CPNE4: variants seen among roughly 807,000 people sequenced by gnomAD.
CPNE4 encodes copine-4.
In CPNE4, 25 loss-of-function variants were observed where a neutral mutation model predicts 67.9. The ratio of observed to expected loss-of-function variants is 0.37; its 90% CI spans 0.27 to 0.51. CPNE4 has a LOEUF of 0.51. Ranked by LOEUF, CPNE4 falls within the 20% of genes least tolerant of loss-of-function variation. The pLI is 0.93. For synonymous variants in CPNE4, 242 were observed against 244.9 expected, an observed-to-expected ratio of 0.99 and a Z score of 0.11; for missense variants, 464 against 690.8, an observed-to-expected ratio of 0.67 and a Z score of 3.68.
intron 1 of CPNE4, among the ~76,000 whole-genome samples, chr3:131,968,315 A>G (rs2072407425): frequency 1.3e-5 from 2 of 152,230 alleles, no homozygotes; most frequent in Admixed American, 1.3e-4. Context: ...CTTCATGACT[A>G]AAACACCAAA....
chr3:131,941,046 A>G (rs999851716), intron 1 of CPNE4, among the ~76,000 whole-genome samples: 4 of 152,116 alleles, frequency 2.6e-5, no homozygotes, highest in African/African-American at 9.7e-5. Flanking sequence ...ATGATCCTCC[A>G]AGACACTATT....
chr3:131,974,741 C>T (rs1352491075), intron 1 of CPNE4, among the ~76,000 whole-genome samples: 1 of 152,204 alleles, frequency 6.6e-6, no homozygotes, highest in African/African-American at 2.4e-5. Context: ...GGCCCAGTGG[C>T]TCACGTATGT....
rs1433736622 is a variant in CPNE4 at position 131,992,780 on chromosome 3, T to C, written c.-2+41787A>G. On this transcript the variant is annotated intron_variant, in intron 1 of 15. Coordinates refer to ENST00000429747, the MANE Select transcript of CPNE4 (RefSeq NM_130808.3). ...AGGGACCTGGTGGGAGGTAATTTAA[T>C]CATGGAGGCAGTTACTCCCATGCCA... Among the ~76,000 whole-genome samples, 2 of 136,132 alleles carry C rather than the reference T, an allele frequency of 1.5e-5. 1 individual carries two copies. Among genetic ancestry groups the C allele is most frequent in the Non-Finnish European group, 3.3e-5 (2 of 59,910 alleles). The allele number at this position is 136,132 out of a possible 152,430, so 89.3% of individuals were successfully genotyped here.
chr3:131,680,258 T>TC (rs1244630418), intron 6 of CPNE4, among the ~76,000 whole-genome samples: 7 of 151,910 alleles, frequency 4.6e-5, no homozygotes, highest in African/African-American at 1.7e-4. Flanking sequence ...CCCTGCTTTT[T>TC]TTTTTTTTTC....
intron 3 of CPNE4, among the ~76,000 whole-genome samples, chr3:131,713,894 A>T (rs9823614): frequency 7.3e-5 from 11 of 150,162 alleles, no homozygotes; most frequent in African/African-American, 2.2e-4. Flanking sequence ...AAAAGACAGC[A>T]GTAAAAAAAA....
chr3:131,841,765 C>A (rs2085792143), intron 2 of CPNE4, among the ~76,000 whole-genome samples: 3 of 152,204 alleles, frequency 2.0e-5, no homozygotes, highest in Admixed American at 2.0e-4. Context: ...CCTGTTGCAG[C>A]TGGGAGTGCA....
At chr3:131,547,838 C>A (rs1582769778) in intron 14 of CPNE4, among the ~76,000 whole-genome samples, 1 of 152,244 alleles carries the variant, frequency 6.6e-6, no homozygotes, top group South Asian at 2.1e-4. Flanking sequence ...ACAGATCAGA[C>A]CCATTTGTTT....
intron 2 of CPNE4, among the ~76,000 whole-genome samples, chr3:131,880,657 T>A (rs1446534502): frequency 5.3e-5 from 8 of 152,184 alleles, no homozygotes; most frequent in Admixed American, 5.2e-4. Flanking sequence ...GAGCAGAGAC[T>A]TGAATGTATT....
intron 2 of CPNE4, among the ~76,000 whole-genome samples, chr3:131,840,569 A>G (rs2085734856): frequency 6.6e-6 from 1 of 152,218 alleles, no homozygotes; most frequent in Non-Finnish European, 1.5e-5. Flanking sequence ...TTCAGATGAG[A>G]TGATGTGGCT....
intron 1 of CPNE4, among the ~76,000 whole-genome samples, chr3:131,994,849 A>G (rs908509492): frequency 1.1e-4 from 16 of 152,234 alleles, no homozygotes; most frequent in African/African-American, 3.9e-4. Context: ...AGAAGTAACC[A>G]AAAGCATATG....
intron 1 of CPNE4, among the ~76,000 whole-genome samples, chr3:131,947,186 A>G (rs2071576545): frequency 1.3e-5 from 2 of 152,160 alleles, no homozygotes; most frequent in Admixed American, 1.3e-4. Flanking sequence ...CTGCAATTCC[A>G]TATGAATTTG....
intron 2 of CPNE4, among the ~76,000 whole-genome samples, chr3:131,751,770 T>G (rs930207897): frequency 7.3e-6 from 1 of 136,830 alleles, no homozygotes; most frequent in Non-Finnish European, 1.7e-5. Flanking sequence ...AGCTGTTTTT[T>G]TTTTGTTTTT....
At chr3:131,620,011 C>A (rs1582903667) in intron 7 of CPNE4, among the ~76,000 whole-genome samples, 1 of 152,130 alleles carries the variant, frequency 6.6e-6, no homozygotes, top group African/African-American at 2.4e-5. Context: ...GCGTAAACCC[C>A]TGCCTAGCAA....
chr3:131,701,010 T>C (rs1041504609), intron 3 of CPNE4, among the ~76,000 whole-genome samples: 2 of 148,992 alleles, frequency 1.3e-5, no homozygotes, highest in East Asian at 2.0e-4. Flanking sequence ...AACCAAACAC[T>C]GCATGTTCTC....
Position 131,541,038 on chromosome 3 carries a change from AT to A in CPNE4, c.1539+1518del, listed in dbSNP as rs1582752552. 2.0e-5 allele frequency among the ~76,000 whole-genome samples: 3 copies of A among 152,134 alleles called. No homozygotes were observed. In the East Asian group the frequency reaches 5.8e-4, roughly 29 times the overall value. ...TTTAGTCACCAGCCCTGGGGATGGT[AT>A]TGTTGGCATCTGCAGCAGTGCAGAG... On this transcript the variant is annotated intron_variant, in intron 15 of 15. Transcript: ENST00000429747.
chr3:131,942,421 C>CAT (rs2071413330), intron 1 of CPNE4, among the ~76,000 whole-genome samples: 1 of 89,670 alleles, frequency 1.1e-5, no homozygotes, highest in Non-Finnish European at 2.2e-5. Flanking sequence ...CTAGCTTCCT[C>CAT]GTGTGTGTGT....
chr3:131,843,097 C>T (rs373208625), intron 2 of CPNE4, among the ~76,000 whole-genome samples: 10 of 152,122 alleles, frequency 6.6e-5, no homozygotes, highest in South Asian at 2.1e-4. Flanking sequence ...TAAAACCCAA[C>T]GATTTTCATC....
chr3:131,743,823 C>T lies in CPNE4; in HGVS notation c.181-20198G>A, dbSNP rs1015068291. The stretch of plus-strand genomic sequence containing the variant: ...CTAAAAATACAAAAAATTAGCCGGG[C>T]GTGGTAGCGGGCGCCTGTAGTCCCA... On this transcript the variant is annotated intron_variant, in intron 2 of 15. Transcript: ENST00000429747. Among the ~76,000 whole-genome samples, 10 of 151,272 alleles carry T rather than the reference C, an allele frequency of 6.6e-5. No individual in the cohort carries two copies. In the South Asian group the frequency reaches 1.0e-3, roughly 16 times the overall value.
chr3:131,636,742 G>A (rs1391696482), intron 7 of CPNE4, among the ~76,000 whole-genome samples: 33 of 152,164 alleles, frequency 2.2e-4, no homozygotes, highest in Admixed American at 2.2e-3. Context: ...CACAAAACCA[G>A]TGCACTAAAC....
Sources: gnomAD v4.1 joint callset for allele counts (sites outside exome capture counted in the v4.1 genomes callset) on GRCh38, gnomAD v4.1.1 for gene constraint, MANE v1.5 for transcripts, NCBI Gene and HGNC (gene_info 2026-07-23, HGNC 2026-07-21) for gene names.